OR52E4: variants seen among roughly 807,000 people sequenced by gnomAD.
OR52E4 encodes the protein olfactory receptor 52E4.
For synonymous variants in OR52E4, 169 were observed against 137.4 expected, an observed-to-expected ratio of 1.23 and a Z score of -1.61; for missense variants, 444 against 383.8, an observed-to-expected ratio of 1.16 and a Z score of -1.31.
In OR52E4 at chr11:5,885,038, T is replaced by C. The variant is rs751508285; in HGVS notation, c.746T>C (p.Met249Thr). Reference protein sequence around the residue: ...FNTCGSHVCVMLCFYTPAFFS... With the variant: ...FNTCGSHVCVTLCFYTPAFFS... ...ACCTGTGGTTCTCATGTCTGTGTTATGCTGTGCTTTTACACACCAGCATTT... is the reference window on the plus strand; with the variant it reads ...ACCTGTGGTTCTCATGTCTGTGTTACGCTGTGCTTTTACACACCAGCATTT... Residue 249 changes from methionine (M) to threonine (T), a missense_variant, in exon 2 of 2, where the codon ATG becomes ACG. Transcript: ENST00000641726. 1.7e-5 allele frequency: 27 copies of C among 1,613,472 alleles called. No individual in the cohort carries two copies. The highest frequency in any genetic ancestry group is 2.2e-5 in the Non-Finnish European group (26 of 1,179,710).
In OR52E4 at chr11:5,885,991, G is replaced by A. The variant is rs1211901914; in HGVS notation, c.*760G>A. On this transcript the variant is annotated 3_prime_UTR_variant, in exon 2 of 2. Coordinates refer to ENST00000641726, the MANE Select transcript of OR52E4 (RefSeq NM_001005165.2). ...GAATATAAAGCAGGCAGAAAAATGT[G>A]AAAAGACTAGATGGGCCTAGCCTCC... 1 of 152,028 alleles carries A rather than the reference G, an allele frequency of 6.6e-6. No homozygotes were observed. The highest frequency in any genetic ancestry group is 1.5e-5 in the Non-Finnish European group (1 of 68,010). 9.4% of individuals were successfully genotyped at this position (152,028 alleles called of 1,614,324 possible). A position where few individuals can be genotyped will look rare whatever the true frequency, so the allele number is the denominator to read the frequency against.
rs1315290964 is a variant in OR52E4 at position 5,886,926 on chromosome 11, G to A, written c.*1695G>A. 6.6e-6 allele frequency: 1 copy of A among 152,066 alleles called. No homozygotes were observed. The highest frequency in any genetic ancestry group is 1.9e-4 in the East Asian group (1 of 5,168). The allele number at this position is 152,066 out of a possible 1,614,324, so 9.4% of individuals were successfully genotyped here. On this transcript the variant is annotated 3_prime_UTR_variant, in exon 2 of 2. Coordinates refer to ENST00000641726, the MANE Select transcript of OR52E4 (RefSeq NM_001005165.2). ...CTAAGCACAATTCCTGAATTCTATA[G>A]TATTTTGTAGATTTTCTTTAGGTCT...
chr11:5,884,871 CATTAAGATCA>C lies in OR52E4; in HGVS notation c.581_590del (p.Ile194ThrfsTer2), dbSNP rs770754129. On this transcript the variant is annotated frameshift_variant, in exon 2 of 2. Coordinates refer to ENST00000641726, the MANE Select transcript of OR52E4 (RefSeq NM_001005165.2). LOFTEE classifies it low-confidence loss of function (END_TRUNC). ...GTCTGGCCGGGTTGGCCTGTGCACC[CATTAAGATCA>C]ACATAATCTATGGGCTCATGGTGAT... 1.2e-6 allele frequency: 2 copies of C among 1,613,244 alleles called. No individual in the cohort carries two copies. The highest frequency in any genetic ancestry group is 8.5e-7 in the Non-Finnish European group (1 of 1,179,462).
In OR52E4 at chr11:5,884,328, C is replaced by A. The variant is rs141381613; in HGVS notation, c.36C>A (p.Pro12=). The change falls in exon 2 of 2, where the codon CCC becomes CCA. Residue 12 remains proline (P), a synonymous_variant. Transcript: ENST00000641726. The part of the protein sequence containing the change: ...PSINDTHFYP[P]FFLLLGIPGL... The stretch of plus-strand genomic sequence containing the variant: ...TCAATGACACCCACTTCTATCCCCC[C>A]TTCTTCCTCCTGCTAGGAATACCAG... 1.2e-6 allele frequency: 2 copies of A among 1,612,238 alleles called. No homozygotes were observed. Among genetic ancestry groups the A allele is most frequent in the Non-Finnish European group, 1.7e-6 (2 of 1,178,982 alleles).
In OR52E4 at chr11:5,885,452, G is replaced by A; in HGVS notation, c.*221G>A. ...TGGACAAAGGTTAGAGATTAATGGAGAAGGTAACTATGCTGAAGGTTGAGG... is the reference window on the plus strand; with the variant it reads ...TGGACAAAGGTTAGAGATTAATGGAAAAGGTAACTATGCTGAAGGTTGAGG... On this transcript the variant is annotated 3_prime_UTR_variant, in exon 2 of 2. Transcript: ENST00000641726. The A allele has an allele frequency of 2.2e-6, 1 of 463,794 alleles. No homozygotes were observed. Among genetic ancestry groups the A allele is most frequent in the South Asian group, 3.7e-5 (1 of 27,026 alleles). 28.7% of individuals were successfully genotyped at this position (463,794 alleles called of 1,614,324 possible). A position where few individuals can be genotyped will look rare whatever the true frequency, so the allele number is the denominator to read the frequency against.
chr11:5,881,818 C>T (rs1393410803), intron 1 of OR52E4, among the ~76,000 whole-genome samples: 1 of 151,542 alleles, frequency 6.6e-6, no homozygotes, highest in South Asian at 2.1e-4. Flanking sequence ...CTCATTTTTA[C>T]AGGAGAAAAA....
chr11:5,884,196 T>TA, intron 1 of OR52E4, 23 bp from the exon 2 acceptor site: 1 of 830,502 alleles, frequency 1.2e-6, no homozygotes, highest in Non-Finnish European at 2.0e-6. Flanking sequence ...AGCACACTGA[T>TA]AAGAGTCTTT....
chr11:5,881,818 C>A (rs1393410803), intron 1 of OR52E4, among the ~76,000 whole-genome samples: 2 of 151,660 alleles, frequency 1.3e-5, no homozygotes, highest in Admixed American at 6.6e-5. Context: ...CTCATTTTTA[C>A]AGGAGAAAAA....
intron 1 of OR52E4, among the ~76,000 whole-genome samples, chr11:5,883,767 A>G (rs1846996412): frequency 6.6e-6 from 1 of 152,022 alleles, no homozygotes; most frequent in Non-Finnish European, 1.5e-5. Context: ...GTAGCACCTC[A>G]TATAACCTCT....
Position 5,884,568 on chromosome 11 carries a change from A to G in OR52E4, c.276A>G (p.Gln92=), listed in dbSNP as rs547145216. 7 of 1,613,244 alleles carry G rather than the reference A, an allele frequency of 4.3e-6. No homozygotes were observed. The South Asian group carries it at 7.7e-5, about 18-fold the overall frequency. Residue 92 remains glutamine, a synonymous_variant, in exon 2 of 2, where the codon CAA becomes CAG. Coordinates refer to ENST00000641726, the MANE Select transcript of OR52E4 (RefSeq NM_001005165.2). The part of the protein sequence containing the change: ...KMLGIFWFNL[Q]EISFGGCLLQ... ...TAGGAATCTTCTGGTTCAACCTCCA[A>G]GAGATCAGCTTTGGGGGATGCCTTC... is the stretch of plus-strand genomic sequence containing the variant.
chr11:5,884,466 C>T lies in OR52E4; in HGVS notation c.174C>T (p.His58=). 2 of 1,613,452 alleles carry T rather than the reference C, an allele frequency of 1.2e-6. No individual in the cohort carries two copies. Among genetic ancestry groups the T allele is most frequent in the Non-Finnish European group, 8.5e-7 (1 of 1,179,608 alleles). ...LFVIKTEHSL[H]QPMFYFLAML... The stretch of plus-strand genomic sequence containing the variant: ...TGATCAAAACTGAACATAGTCTACA[C>T]CAGCCCATGTTCTACTTCCTGGCCA... The change falls in exon 2 of 2, where the codon CAC becomes CAT. Residue 58 remains histidine, a synonymous_variant. Transcript: ENST00000641726.
intron 1 of OR52E4, among the ~76,000 whole-genome samples, chr11:5,881,327 C>T (rs546800553): frequency 6.6e-6 from 1 of 152,184 alleles, no homozygotes; most frequent in South Asian, 2.1e-4. Flanking sequence ...CTAGATCAGC[C>T]GGACTGAACC....
At chr11:5,883,266 A>T (rs545624119) in intron 1 of OR52E4, among the ~76,000 whole-genome samples, 53 of 152,118 alleles carry the variant, frequency 3.5e-4, no homozygotes, top group Non-Finnish European at 5.3e-4. Flanking sequence ...GTTCATGAAG[A>T]TTTAGAAGCA....
intron 1 of OR52E4, among the ~76,000 whole-genome samples, 159 bp downstream of exon 1, chr11:5,880,873 T>TGGAAGAGACATCCATA (rs71056718): frequency 1.3e-5 from 2 of 151,858 alleles, no homozygotes; most frequent in Non-Finnish European, 2.9e-5. Context: ...CACATGGGAT[T>TGGAAGAGACATCCATA]GGTGAGGGCA....
rs748018401 is a variant in OR52E4 at position 5,884,661 on chromosome 11, C to T, written c.369C>T (p.Asp123=). 3 of 1,613,558 alleles carry T rather than the reference C, an allele frequency of 1.9e-6. No homozygotes were observed. Among genetic ancestry groups the T allele is most frequent in the Non-Finnish European group, 2.5e-6 (3 of 1,179,718 alleles). Reference sequence around the variant, plus strand: ...TTCTGTTGGTGGTCATGGCTTATGACCGCTTTGTTGCCATCTGCAACCCTC... The same window carrying T: ...TTCTGTTGGTGGTCATGGCTTATGATCGCTTTGTTGCCATCTGCAACCCTC... ...ETVLLVVMAY[D]RFVAICNPLQ... The change falls in exon 2 of 2, where the codon GAC becomes GAT. Residue 123 remains aspartate, a synonymous_variant. Coordinates refer to ENST00000641726, the MANE Select transcript of OR52E4 (RefSeq NM_001005165.2).
chr11:5,885,068 C>A lies in OR52E4; in HGVS notation c.776C>A (p.Ser259Tyr). The change falls in exon 2 of 2, where the codon TCT (serine) becomes TAT (tyrosine). Residue 259 changes from serine (S) to tyrosine (Y), a missense_variant. Physicochemically the swap from Ser to Tyr is moderately radical, Grantham distance 144. Coordinates refer to ENST00000641726, the MANE Select transcript of OR52E4 (RefSeq NM_001005165.2). ...MLCFYTPAFF[S>Y]FMTHRFGQNI... The stretch of plus-strand genomic sequence containing the variant: ...TGCTTTTACACACCAGCATTTTTTT[C>A]TTTTATGACACATCGTTTTGGCCAA... 6.2e-7 allele frequency: 1 copy of A among 1,613,388 alleles called. No homozygotes were observed. Among genetic ancestry groups the A allele is most frequent in the Non-Finnish European group, 8.5e-7 (1 of 1,179,668 alleles).
chr11:5,882,690 C>A (rs1233205413), intron 1 of OR52E4, among the ~76,000 whole-genome samples: 3 of 124,190 alleles, frequency 2.4e-5, no homozygotes, highest in Non-Finnish European at 3.4e-5. Context: ...ATCTCTCCAA[C>A]CTTCTCCGTC....
chr11:5,881,022 A>T (rs369707587), intron 1 of OR52E4, among the ~76,000 whole-genome samples: 6 of 152,074 alleles, frequency 3.9e-5, no homozygotes, highest in African/African-American at 1.4e-4. Context: ...CACAGCCGAA[A>T]CACCACAAAT....
Position 5,884,372 on chromosome 11 carries a change from T to A in OR52E4, c.80T>A (p.Ile27Asn). 6.2e-7 allele frequency: 1 copy of A among 1,613,276 alleles called. No individual in the cohort carries two copies. Among genetic ancestry groups the A allele is most frequent in the South Asian group, 1.1e-5 (1 of 91,060 alleles). The change falls in exon 2 of 2, where the codon ATC becomes AAC. Residue 27 changes from isoleucine (I) to asparagine (N), a missense_variant. Physicochemically the swap from Ile to Asn is moderately radical, Grantham distance 149 (BLOSUM62 -3). Coordinates refer to ENST00000641726, the MANE Select transcript of OR52E4 (RefSeq NM_001005165.2). The stretch of plus-strand genomic sequence containing the variant: ...ATACCAGGACTGGACACTTTACATA[T>A]CTGGATTTCTTTCCCATTCTGTATT... ...LGIPGLDTLH[I>N]WISFPFCIVY...
Sources: gnomAD v4.1 joint callset for allele counts (sites outside exome capture counted in the v4.1 genomes callset) on GRCh38, gnomAD v4.1.1 for gene constraint, MANE v1.5 for transcripts, NCBI Gene and HGNC (gene_info 2026-07-23, HGNC 2026-07-21) for gene names.